PFKP: variants seen among roughly 807,000 people sequenced by gnomAD.
PFKP encodes ATP-dependent 6-phosphofructokinase, platelet type.
Under a neutral mutation model 94.3 loss-of-function variants are expected in PFKP, and 101 were observed. The observed-to-expected ratio is 1.07, with a 90% CI of 0.91 to 1.26. The LOEUF is 1.26. Ranked by LOEUF, PFKP falls within the 50% of genes most tolerant of loss-of-function variation. PFKP has a pLI of 0.00. For missense variants in PFKP, 1,145 were observed against 1,103.3 expected (o/e 1.04, Z -0.53); for synonymous variants, 573 against 432.6 (o/e 1.32, Z -4.03).
intron 2 of PFKP, among the ~76,000 whole-genome samples, chr10:3,095,236 C>CGCA (rs559127368): frequency 1.3e-5 from 2 of 151,600 alleles, no homozygotes; most frequent in African/African-American, 4.8e-5. Flanking sequence ...AGAAAGCCAC[C>CGCA]CATAGGTGAA....
chr10:3,105,749 C>A (rs1216896202), intron 7 of PFKP, among the ~76,000 whole-genome samples: 1 of 152,132 alleles, frequency 6.6e-6, no homozygotes, highest in African/African-American at 2.4e-5. Flanking sequence ...TTAGAATGCC[C>A]CATGCGTGCC....
intron 6 of PFKP, 50 bp downstream of exon 6, chr10:3,105,209 C>A (rs1384372572): frequency 6.5e-7 from 1 of 1,544,716 alleles, no homozygotes; most frequent in East Asian, 2.2e-5. Flanking sequence ...GGGGGACCCT[C>A]AGCATCATCT....
At chr10:3,116,485 G>C (rs1304605107) in intron 13 of PFKP, among the ~76,000 whole-genome samples, 1 of 152,130 alleles carries the variant, frequency 6.6e-6, no homozygotes, top group Non-Finnish European at 1.5e-5. Context: ...TTAGTTGCCG[G>C]TGGCGGGATA....
intron 18 of PFKP, 67 bp from the exon 19 acceptor site, chr10:3,133,136 C>T (rs1402030134): frequency 1.7e-6 from 2 of 1,143,030 alleles, no homozygotes; most frequent in Non-Finnish European, 2.7e-6. Context: ...CCAGGGCCAT[C>T]TCCCCAAGCA....
chr10:3,093,417 T>C (rs1834212816), intron 2 of PFKP, among the ~76,000 whole-genome samples: 1 of 152,192 alleles, frequency 6.6e-6, no homozygotes, highest in African/African-American at 2.4e-5. Context: ...CACAGCACTG[T>C]GCAGTTTCTT....
At chr10:3,110,884 A>ATGTGTGTGCATG (rs1564317847) in intron 10 of PFKP, among the ~76,000 whole-genome samples, 1 of 151,420 alleles carries the variant, frequency 6.6e-6, no homozygotes, top group Non-Finnish European at 1.5e-5. Context: ...GTCTGCATGT[A>ATGTGTGTGCATG]TGTGTGTGCA....
intron 1 of PFKP, 23 bp downstream of exon 1, chr10:3,067,730 C>CGAGG (rs1361479023): frequency 7.7e-7 from 1 of 1,299,740 alleles, no homozygotes; most frequent in Admixed American, 2.4e-5. Flanking sequence ...CTCCCGGCGG[C>CGAGG]GAGGGAGGGA....
At chr10:3,074,913 GTGGTCTCACA>G (rs372119505) in intron 1 of PFKP, among the ~76,000 whole-genome samples, 5 of 152,240 alleles carry the variant, frequency 3.3e-5, no homozygotes, top group African/African-American at 1.2e-4. Context: ...TGGGAAATCC[GTGGTCTCACA>G]GCCTTCAGAG....
intron 1 of PFKP, among the ~76,000 whole-genome samples, chr10:3,077,253 T>TC (rs1267774164): frequency 1.1e-5 from 1 of 93,482 alleles, no homozygotes; most frequent in Admixed American, 1.2e-4. Flanking sequence ...TCTTTACTTT[T>TC]TTTTTTTCTT....
In PFKP at chr10:3,105,103, T is replaced by C. The variant is rs1213368933; in HGVS notation, c.621-12T>C. On this transcript the variant is annotated splice_polypyrimidine_tract_variant and intron_variant, in intron 5 of 21. Coordinates refer to ENST00000381125, the MANE Select transcript of PFKP (RefSeq NM_002627.5). The stretch of plus-strand genomic sequence containing the variant: ...TGAGCTGTGTCCGGGGCTCCCTCTG[T>C]TTCTCTTCCAGCCACCAGAGGACCT... 2.5e-6 allele frequency: 4 copies of C among 1,613,514 alleles called. No individual in the cohort carries two copies. Among genetic ancestry groups the C allele is most frequent in the Non-Finnish European group, 2.5e-6 (3 of 1,179,598 alleles).
At chr10:3,070,925 T>TATTATTATTA (rs201952146) in intron 1 of PFKP, among the ~76,000 whole-genome samples, 1 of 151,348 alleles carries the variant, frequency 6.6e-6, no homozygotes, top group Non-Finnish European at 1.5e-5. Context: ...TTATTATTAT[T>TATTATTATTA]TTTGTAGAGA....
At chr10:3,073,687 T>A (rs1832363503) in intron 1 of PFKP, among the ~76,000 whole-genome samples, 1 of 149,514 alleles carries the variant, frequency 6.7e-6, no homozygotes, top group African/African-American at 2.5e-5. Flanking sequence ...AACGTACATA[T>A]GTAAATGATC....
chr10:3,123,590 A>G (rs1157352667), intron 16 of PFKP, among the ~76,000 whole-genome samples: 1 of 152,056 alleles, frequency 6.6e-6, no homozygotes, highest in Non-Finnish European at 1.5e-5. Context: ...TCTGGCTTCC[A>G]GCGAGCGCTT....
intron 2 of PFKP, among the ~76,000 whole-genome samples, chr10:3,083,508 A>G (rs1833246873): frequency 6.6e-6 from 1 of 152,150 alleles, no homozygotes; most frequent in Non-Finnish European, 1.5e-5. Flanking sequence ...CTTCAGTATG[A>G]CGTATGTAAA....
chr10:3,099,308 A>G lies in PFKP; in HGVS notation c.220A>G (p.Ile74Val), dbSNP rs1834760837. 6.2e-7 allele frequency: 1 copy of G among 1,614,210 alleles called. No homozygotes were observed. Among genetic ancestry groups the G allele is most frequent in the Non-Finnish European group, 8.5e-7 (1 of 1,180,006 alleles). ...GGGCATGGTGGACGGAGGCTCAAAC[A>G]TCGCAGAGGCCGACTGGGAGAGTGT... ...YQGMVDGGSN[I>V]AEADWESVSS... The change falls in exon 3 of 22, where the codon ATC becomes GTC. Residue 74 changes from isoleucine (I) to valine (V), a missense_variant. Coordinates refer to ENST00000381125, the MANE Select transcript of PFKP (RefSeq NM_002627.5).
chr10:3,083,579 T>G (rs555743302), intron 2 of PFKP, among the ~76,000 whole-genome samples: 1 of 152,182 alleles, frequency 6.6e-6, no homozygotes, highest in African/African-American at 2.4e-5. Flanking sequence ...TATACTGTGT[T>G]TTTTGTTTAC....
chr10:3,135,671 G>A lies in PFKP; in HGVS notation c.2123-65G>A, dbSNP rs181481996. 700 of 991,406 alleles carry A rather than the reference G, an allele frequency of 7.1e-4. 7 individuals carry two copies. The African/African-American group carries it at 0.01, about 14-fold the overall frequency. 61.4% of individuals were successfully genotyped at this position (991,406 alleles called of 1,614,324 possible). A position where few individuals can be genotyped will look rare whatever the true frequency, so the allele number is the denominator to read the frequency against. On this transcript the variant is annotated intron_variant, in intron 20 of 21. Coordinates refer to ENST00000381125, the MANE Select transcript of PFKP (RefSeq NM_002627.5). ...AATCTCAGTTCTCATCTCGCCCCGT[G>A]ATTCTGCTCCCCCACCTGCCCATGT...
chr10:3,108,636 C>T lies in PFKP; in HGVS notation c.871-65C>T. On this transcript the variant is annotated intron_variant, in intron 8 of 21. Coordinates refer to ENST00000381125, the MANE Select transcript of PFKP (RefSeq NM_002627.5). ...AACCTTTTCCAGTGCCCAGTACCTC[C>T]TTCCAGATCTGGGCTGCTGTGTCCG... 3 of 1,213,044 alleles carry T rather than the reference C, an allele frequency of 2.5e-6. No individual in the cohort carries two copies. The Admixed American group carries it at 5.1e-5, about 21-fold the overall frequency. 75.1% of individuals were successfully genotyped at this position (1,213,044 alleles called of 1,614,324 possible).
At chr10:3,129,313 C>T (rs563720938) in intron 16 of PFKP, 1 of 152,612 alleles carries the variant, frequency 6.6e-6, no homozygotes, top group East Asian at 1.9e-4. Flanking sequence ...GTAACATTCG[C>T]CAATGGATGG....
Sources: allele counts gnomAD v4.1 joint callset (sites outside exome capture counted in the v4.1 genomes callset), GRCh38; gene constraint gnomAD v4.1.1; transcripts MANE v1.5; gene names NCBI Gene and HGNC (gene_info 2026-07-23, HGNC 2026-07-21).